Variants in SPATA13 observed in about 807,000 individuals in gnomAD.
The protein encoded by SPATA13 is spermatogenesis associated 13.
A neutral mutation model predicts 104.0 loss-of-function variants in SPATA13; 50 were observed. That is an observed-to-expected ratio of 0.48 (90% confidence interval 0.38 to 0.61). The LOEUF (loss-of-function observed/expected upper bound fraction) is 0.61, where lower values mean the gene tolerates loss of function less well. Ranked by LOEUF, SPATA13 falls within the 20% of genes least tolerant of loss-of-function variation. SPATA13 has a pLI of 0.00. For missense variants in SPATA13, 1,524 were observed against 1,690.6 expected (o/e 0.90, Z 1.73); for synonymous variants, 606 against 667.5 (o/e 0.91, Z 1.42).
Position 24,161,014 on chromosome 13 carries a change from C to T in SPATA13, c.-112+82C>T. The T allele has an allele frequency of 1.2e-6, 1 of 839,490 alleles. No individual in the cohort carries two copies. Among genetic ancestry groups the T allele is most frequent in the Non-Finnish European group, 1.4e-6 (1 of 696,254 alleles). The allele number at this position is 839,490 out of a possible 1,614,324, so 52.0% of individuals were successfully genotyped here. A position where few individuals can be genotyped will look rare whatever the true frequency, so the allele number is the denominator to read the frequency against. ...GTAGAATATCGGGAGGATTTGAGTC[C>T]CAGTGGACTGCCTCGGGGCTTCGGG... On this transcript the variant is annotated intron_variant, in intron 1 of 12. Transcript: ENST00000382108. The surrounding 1 kb of genome is among the most constrained non-coding windows in gnomAD (Gnocchi z 4.5).
chr13:24,296,748 A>T (rs181542341), intron 10 of SPATA13, among the ~76,000 whole-genome samples: 4 of 152,290 alleles, frequency 2.6e-5, no homozygotes, highest in African/African-American at 9.6e-5. Flanking sequence ...CAGAGGCTTC[A>T]GGCTAGGAAG....
chr13:24,083,927 A>G (rs143482052), intron 3 of SPATA13, among the ~76,000 whole-genome samples: 218 of 152,338 alleles, frequency 1.4e-3, no homozygotes, highest in Non-Finnish European at 2.8e-3. Flanking sequence ...CAGGAATCCA[A>G]TGAAGCATCT....
intron 3 of SPATA13, among the ~76,000 whole-genome samples, chr13:24,077,040 A>G (rs1190004808): frequency 6.6e-6 from 1 of 152,054 alleles, no homozygotes; most frequent in East Asian, 1.9e-4. Context: ...GCCAGTTTTC[A>G]TTATTATTAT....
At chr13:24,203,844 G>C (rs189738622) in intron 1 of SPATA13, among the ~76,000 whole-genome samples, 1 of 152,130 alleles carries the variant, frequency 6.6e-6, no homozygotes, top group African/African-American at 2.4e-5. Flanking sequence ...TTACAAAGAA[G>C]CTCTGAATGT....
Position 24,256,498 on chromosome 13 carries a change from C to A in SPATA13, c.2164+4636C>A, listed in dbSNP as rs184527596. On this transcript the variant is annotated intron_variant, in intron 4 of 12. Transcript: ENST00000382108. The stretch of plus-strand genomic sequence containing the variant: ...GTTTAAAATAATAATATAAAAAACT[C>A]TCCAAATTAAGTAGTATCCACAACT... Among the ~76,000 whole-genome samples, 320 of 152,152 alleles carry A rather than the reference C, an allele frequency of 2.1e-3. 2 individuals are homozygous for A. Among genetic ancestry groups the A allele is most frequent in the South Asian group, 5.0e-3 (24 of 4,830 alleles).
At chr13:24,184,997 A>C (rs1168696563) in intron 1 of SPATA13, among the ~76,000 whole-genome samples, 2 of 152,132 alleles carry the variant, frequency 1.3e-5, no homozygotes, top group Non-Finnish European at 2.9e-5. Flanking sequence ...GGTGCCTTTG[A>C]AAGTGGGCAC....
chr13:24,114,913 C>T (rs997124324), intron 3 of SPATA13, among the ~76,000 whole-genome samples: 2 of 152,180 alleles, frequency 1.3e-5, no homozygotes, highest in African/African-American at 2.4e-5. Context: ...CCGCCCACCT[C>T]GGCCTCCCAA....
intron 3 of SPATA13, among the ~76,000 whole-genome samples, chr13:24,102,210 T>C (rs1179451244): frequency 1.3e-5 from 2 of 152,218 alleles, no homozygotes; most frequent in Non-Finnish European, 2.9e-5. Flanking sequence ...TGGTTTTGAT[T>C]TGCGTTTTGC....
upstream of SPATA13, among the ~76,000 whole-genome samples, chr13:24,158,184 T>TA (rs1292452533): frequency 6.6e-6 from 1 of 152,172 alleles, no homozygotes; most frequent in Non-Finnish European, 1.5e-5. Flanking sequence ...AGGCTCCAGT[T>TA]AGAGTCTTGA....
intron 4 of SPATA13, among the ~76,000 whole-genome samples, chr13:24,254,770 C>T (rs768930941): frequency 6.6e-6 from 1 of 152,058 alleles, no homozygotes; most frequent in African/African-American, 2.4e-5. Context: ...TGGTTTAGCC[C>T]AGGCTTGGCA....
In SPATA13 at chr13:24,249,018, C is replaced by T. The variant is rs556353706; in HGVS notation, c.1654-459C>T. On this transcript the variant is annotated intron_variant, in intron 2 of 12. Transcript: ENST00000382108. ...CCAAGTAGGTGGGACTACAGACACGCGCCACCGCGCCCCGCTAATTTTTAT... is the reference window on the plus strand; with the variant it reads ...CCAAGTAGGTGGGACTACAGACACGTGCCACCGCGCCCCGCTAATTTTTAT... Among the ~76,000 whole-genome samples the T allele has an allele frequency of 7.0e-4, 107 of 152,150 alleles. 2 individuals are homozygous for T. Among genetic ancestry groups the T allele is most frequent in the South Asian group, 3.3e-3 (16 of 4,824 alleles).
At chr13:24,295,380 G>A (rs1291628517) in intron 10 of SPATA13, among the ~76,000 whole-genome samples, 2 of 152,176 alleles carry the variant, frequency 1.3e-5, no homozygotes, top group African/African-American at 4.8e-5. Context: ...GGAGGCCAAA[G>A]TGTGAGAATC....
chr13:24,109,818 A>C (rs2137811434), intron 3 of SPATA13, among the ~76,000 whole-genome samples: 1 of 152,108 alleles, frequency 6.6e-6, no homozygotes, highest in East Asian at 1.9e-4. Flanking sequence ...TCTGCAATGA[A>C]TATAGTTGCA....
chr13:24,163,805 T>A (rs1301540247), intron 1 of SPATA13, among the ~76,000 whole-genome samples: 2 of 152,210 alleles, frequency 1.3e-5, no homozygotes, highest in Non-Finnish European at 2.9e-5. Flanking sequence ...CCCTATAGCT[T>A]GGTAGGTTGA....
At chr13:23,982,566 G>A (rs1307731893) in intron 1 of SPATA13, among the ~76,000 whole-genome samples, 2 of 151,972 alleles carry the variant, frequency 1.3e-5, no homozygotes, top group Admixed American at 1.3e-4. Flanking sequence ...CTTATTTGCT[G>A]ATTTTTTTTT....
chr13:24,198,542 G>A (rs1033986551), intron 1 of SPATA13, among the ~76,000 whole-genome samples: 2 of 152,174 alleles, frequency 1.3e-5, no homozygotes, highest in Admixed American at 6.5e-5. Flanking sequence ...AGGCGTTGTT[G>A]AGTTTGGCTT....
intron 3 of SPATA13, among the ~76,000 whole-genome samples, chr13:24,052,462 G>T (rs1030593221): frequency 1.3e-5 from 2 of 150,510 alleles, no homozygotes; most frequent in Non-Finnish European, 2.9e-5. Context: ...TTCATTCAGG[G>T]TTCTAACTAT....
At chr13:24,130,248 A>G (rs890017205) in intron 3 of SPATA13, among the ~76,000 whole-genome samples, 1 of 152,112 alleles carries the variant, frequency 6.6e-6, no homozygotes, top group Admixed American at 6.5e-5. Flanking sequence ...GGGCTGGCCC[A>G]TGGCTTCACA....
intron 3 of SPATA13, among the ~76,000 whole-genome samples, chr13:24,113,465 G>T (rs1008774793): frequency 6.6e-6 from 1 of 152,034 alleles, no homozygotes; most frequent in Non-Finnish European, 1.5e-5. Flanking sequence ...TTAGCCAAGC[G>T]TGGTGGCATG....
Sources: allele counts gnomAD v4.1 joint callset (sites outside exome capture counted in the v4.1 genomes callset), GRCh38; gene constraint gnomAD v4.1.1; non-coding constraint Gnocchi (gnomAD v3.1); transcripts MANE v1.5; gene names NCBI Gene and HGNC (gene_info 2026-07-23, HGNC 2026-07-21).